The following SLCO3A1 variants were observed in gnomAD, a reference collection of about 807,000 sequenced individuals.
SLCO3A1 encodes the protein PGE1 transporter.
SLCO3A1 carries 27 observed loss-of-function variants against 63.1 expected under a neutral mutation model. The ratio of observed to expected loss-of-function variants is 0.43; its 90% CI spans 0.32 to 0.59. The LOEUF (loss-of-function observed/expected upper bound fraction) is 0.59, where lower values mean the gene tolerates loss of function less well. Ranked by LOEUF, SLCO3A1 falls within the 20% of genes least tolerant of loss-of-function variation. The pLI, the probability that SLCO3A1 is intolerant of heterozygous loss-of-function variation, is 0.09. For synonymous variants in SLCO3A1, 473 were observed against 409.9 expected (o/e 1.15, Z -1.86); for missense variants, 773 against 945.8 (o/e 0.82, Z 2.40).
At chr15:92,010,802 G>C (rs942188473) in intron 2 of SLCO3A1, among the ~76,000 whole-genome samples, 2 of 152,122 alleles carry the variant, frequency 1.3e-5, no homozygotes, top group African/African-American at 4.8e-5. Flanking sequence ...GGCAGTCTCA[G>C]GGGGCCCTGA....
chr15:92,170,661 C>G (rs1372907498), downstream of SLCO3A1, among the ~76,000 whole-genome samples: 1 of 152,186 alleles, frequency 6.6e-6, no homozygotes, highest in African/African-American at 2.4e-5. Context: ...TAGCAGGAGT[C>G]TATTGTTTCA....
chr15:92,108,606 C>T (rs943954860), intron 4 of SLCO3A1, among the ~76,000 whole-genome samples: 3 of 152,190 alleles, frequency 2.0e-5, no homozygotes, highest in African/African-American at 7.2e-5. Flanking sequence ...TTTTGTGCTC[C>T]ATTGTAAGTT....
chr15:92,060,420 C>T (rs922561627), intron 2 of SLCO3A1, among the ~76,000 whole-genome samples: 3 of 151,848 alleles, frequency 2.0e-5, no homozygotes, highest in East Asian at 2.0e-4. Context: ...ATTAGCTGGG[C>T]GCTGTGATGC....
intron 7 of SLCO3A1, among the ~76,000 whole-genome samples, chr15:92,135,618 A>G (rs1389000124): frequency 6.6e-6 from 1 of 152,248 alleles, no homozygotes; most frequent in Non-Finnish European, 1.5e-5. Flanking sequence ...AGCTACAAAA[A>G]GACAGTAATA....
At chr15:91,922,519 C>G (rs1898885135) in intron 2 of SLCO3A1, among the ~76,000 whole-genome samples, 1 of 152,148 alleles carries the variant, frequency 6.6e-6, no homozygotes, top group African/African-American at 2.4e-5. Flanking sequence ...GGCCAGCAAC[C>G]AAAGAGAACC....
rs780403639 is a variant in SLCO3A1 at position 92,162,982 on chromosome 15, G to A, written c.1980G>A (p.Glu660=). 6.2e-6 allele frequency: 10 copies of A among 1,613,824 alleles called. No homozygotes were observed. The African/African-American group carries it at 1.2e-4, about 19-fold the overall frequency. The part of the protein sequence containing the change: ...KNYKRYIKNH[E]GGLSTSEFFA... ...ATAAACGCTACATCAAAAACCACGA[G>A]GGCGGGCTGAGCACCAGTGAGTTCT... Residue 660 remains glutamate (E), a synonymous_variant, in exon 10 of 10, where the codon GAG becomes GAA. Transcript: ENST00000318445.
At chr15:92,031,198 A>T (rs963774042) in intron 2 of SLCO3A1, among the ~76,000 whole-genome samples, 3 of 152,204 alleles carry the variant, frequency 2.0e-5, no homozygotes, top group Non-Finnish European at 4.4e-5. Context: ...AAAAGACATC[A>T]ATAGAGCTAT....
At chr15:91,964,533 C>A (rs1900585093) in intron 2 of SLCO3A1, among the ~76,000 whole-genome samples, 1 of 151,628 alleles carries the variant, frequency 6.6e-6, no homozygotes, top group South Asian at 2.1e-4. Context: ...ATATTTAGTT[C>A]CTCCTATTCA....
chr15:92,060,270 C>T (rs932857088), intron 2 of SLCO3A1, among the ~76,000 whole-genome samples: 4 of 151,998 alleles, frequency 2.6e-5, no homozygotes, highest in African/African-American at 7.2e-5. Flanking sequence ...AATAAATTAA[C>T]CTTAGCCAGC....
At chr15:92,064,101 CTAGAGA>C (rs2047119770) in intron 2 of SLCO3A1, among the ~76,000 whole-genome samples, 1 of 152,172 alleles carries the variant, frequency 6.6e-6, no homozygotes, top group African/African-American at 2.4e-5. Flanking sequence ...GAGCCTAACA[CTAGAGA>C]TAGTCTCCTA....
chr15:92,059,407 A>G (rs537237305), intron 2 of SLCO3A1, among the ~76,000 whole-genome samples: 1 of 152,160 alleles, frequency 6.6e-6, no homozygotes, highest in African/African-American at 2.4e-5. Context: ...CTCTGGCAGC[A>G]TGGGTCCATC....
At chr15:91,895,245 G>T (rs1463749128) in intron 1 of SLCO3A1, among the ~76,000 whole-genome samples, 7 of 152,226 alleles carry the variant, frequency 4.6e-5, no homozygotes, top group African/African-American at 1.7e-4. Flanking sequence ...GTGTCTGGGA[G>T]AAATGAGACT....
intron 2 of SLCO3A1, among the ~76,000 whole-genome samples, chr15:91,949,568 T>C (rs1899927589): frequency 6.6e-6 from 1 of 152,244 alleles, no homozygotes; most frequent in South Asian, 2.1e-4. Context: ...AGGTGGAGTT[T>C]GCAATGAGTT....
intron 2 of SLCO3A1, among the ~76,000 whole-genome samples, chr15:91,923,233 T>A (rs1898906232): frequency 6.6e-6 from 1 of 152,238 alleles, no homozygotes; most frequent in Non-Finnish European, 1.5e-5. Context: ...TTCATCCTTA[T>A]GGTCATAGCA....
chr15:92,125,292 G>A (rs1297545111), intron 5 of SLCO3A1, among the ~76,000 whole-genome samples: 2 of 152,242 alleles, frequency 1.3e-5, no homozygotes, highest in African/African-American at 4.8e-5. Flanking sequence ...TTTTAGATGA[G>A]ATGAATCAGA....
At chr15:91,878,069 A>C (rs1475123639) in intron 1 of SLCO3A1, among the ~76,000 whole-genome samples, 1 of 150,722 alleles carries the variant, frequency 6.6e-6, no homozygotes, top group Non-Finnish European at 1.5e-5. Flanking sequence ...GTGGCATCTG[A>C]AGTAGGGATT....
chr15:91,949,409 C>A (rs552123572), intron 2 of SLCO3A1, among the ~76,000 whole-genome samples: 3 of 152,220 alleles, frequency 2.0e-5, no homozygotes, highest in East Asian at 3.9e-4. Context: ...ACAGGCAAAT[C>A]GCTTGAGGCC....
chr15:91,988,651 C>T (rs111587813), intron 2 of SLCO3A1, among the ~76,000 whole-genome samples: 1 of 152,116 alleles, frequency 6.6e-6, no homozygotes, highest in African/African-American at 2.4e-5. Context: ...CCACAGATTG[C>T]TGGTCACTGT....
chr15:92,118,309 A>G (rs946477502), intron 4 of SLCO3A1, among the ~76,000 whole-genome samples: 2 of 152,232 alleles, frequency 1.3e-5, no homozygotes, highest in African/African-American at 4.8e-5. Flanking sequence ...TCTGGTTATA[A>G]CACAGGATTC....
Sources: allele counts gnomAD v4.1 joint callset (sites outside exome capture counted in the v4.1 genomes callset), GRCh38; gene constraint gnomAD v4.1.1; transcripts MANE v1.5; gene names NCBI Gene and HGNC (gene_info 2026-07-23, HGNC 2026-07-21).